ENTREP2: variants seen among roughly 807,000 people sequenced by gnomAD.
The protein encoded by ENTREP2 is endosomal transmembrane epsin interactor 2, also known as protein ENTREP2.
At chr15:29,322,789 C>T in the ENTREP2 span, among the ~76,000 whole-genome samples, 1 of 152,208 alleles carries the variant, frequency 6.6e-6, no homozygotes, top group Non-Finnish European at 1.5e-5. Flanking sequence ...CCTTCCTGCC[C>T]ACTTTTCCCC....
At chr15:29,615,398 C>T in the ENTREP2 span, among the ~76,000 whole-genome samples, 1 of 152,000 alleles carries the variant, frequency 6.6e-6, no homozygotes, top group East Asian at 1.9e-4. Context: ...TCAGGTGATC[C>T]GCCCACCTCT....
the ENTREP2 span, among the ~76,000 whole-genome samples, chr15:29,231,890 C>CTTTT: frequency 2.9e-5 from 4 of 136,858 alleles, no homozygotes; most frequent in African/African-American, 1.1e-4. Context: ...CTTTTCTTTT[C>CTTTT]TTTCTTTTTT....
At chr15:29,620,628 A>G in the ENTREP2 span, among the ~76,000 whole-genome samples, 1 of 152,048 alleles carries the variant, frequency 6.6e-6, no homozygotes, top group Non-Finnish European at 1.5e-5. Context: ...ACAGAGTGAG[A>G]CCATGTCTCT....
chr15:29,543,754 G>A, the ENTREP2 span, among the ~76,000 whole-genome samples: 149 of 151,522 alleles, frequency 9.8e-4, no homozygotes, highest in African/African-American at 2.6e-3. Flanking sequence ...ACTCCAGCCT[G>A]GGCAACAGAG....
chr15:29,430,909 G>C, the ENTREP2 span, among the ~76,000 whole-genome samples: 1 of 152,076 alleles, frequency 6.6e-6, no homozygotes, highest in Non-Finnish European at 1.5e-5. Context: ...CCAGGTTCCT[G>C]GTCTTACTGA....
At chr15:29,225,754 C>T in the ENTREP2 span, among the ~76,000 whole-genome samples, 14 of 152,196 alleles carry the variant, frequency 9.2e-5, no homozygotes, top group Non-Finnish European at 1.5e-4. Context: ...GTTCTGAGCA[C>T]GTCAGCCCCT....
At chr15:29,335,158 C>T in the ENTREP2 span, among the ~76,000 whole-genome samples, 122,715 of 152,122 alleles carry the variant, frequency 0.81, 49,729 homozygotes, top group African/African-American at 0.85. Flanking sequence ...AAAGTGGTTG[C>T]TTAGTGCCAC....
the ENTREP2 span, among the ~76,000 whole-genome samples, chr15:29,197,549 C>T: frequency 3.3e-5 from 5 of 152,144 alleles, 1 homozygote; most frequent in Non-Finnish European, 4.4e-5. Flanking sequence ...GGGCAGATCA[C>T]AAGGTTAGGA....
At chr15:29,623,781 G>C in the ENTREP2 span, among the ~76,000 whole-genome samples, 6 of 152,180 alleles carry the variant, frequency 3.9e-5, no homozygotes, top group African/African-American at 1.4e-4. Flanking sequence ...GAAGGAGGGA[G>C]GGTAAGGTAT....
At chr15:29,591,107 A>C in the ENTREP2 span, among the ~76,000 whole-genome samples, 1 of 152,158 alleles carries the variant, frequency 6.6e-6, no homozygotes, top group Non-Finnish European at 1.5e-5. Context: ...TTTTCCTGAA[A>C]TATTTAAAAA....
At chr15:29,381,786 G>A in the ENTREP2 span, 3 of 1,551,504 alleles carry the variant, frequency 1.9e-6, no homozygotes, top group Non-Finnish European at 2.6e-6. Context: ...ACAAGGGAGA[G>A]AGGCCTCTTC....
chr15:29,216,981 G>A, the ENTREP2 span, among the ~76,000 whole-genome samples: 10 of 152,124 alleles, frequency 6.6e-5, no homozygotes, highest in East Asian at 1.9e-4. Context: ...GAAGGGGCTC[G>A]ATTTAACTTT....
the ENTREP2 span, among the ~76,000 whole-genome samples, chr15:29,156,435 T>G: frequency 0.17 from 25,866 of 151,822 alleles, 3,451 homozygotes; most frequent in African/African-American, 0.37. Flanking sequence ...TGATCCACCC[T>G]CCTCGGCCTC....
At chr15:29,242,668 G>A in the ENTREP2 span, among the ~76,000 whole-genome samples, 1 of 152,212 alleles carries the variant, frequency 6.6e-6, no homozygotes, top group East Asian at 1.9e-4. Context: ...GCCAGGCCCT[G>A]GATGTGGGAC....
chr15:29,630,919 G>A, the ENTREP2 span, among the ~76,000 whole-genome samples: 3 of 152,114 alleles, frequency 2.0e-5, no homozygotes, highest in African/African-American at 7.2e-5. Context: ...CTCACTTCAG[G>A]TGATCCCCCG....
chr15:29,632,734 C>T, the ENTREP2 span, among the ~76,000 whole-genome samples: 1 of 152,006 alleles, frequency 6.6e-6, no homozygotes, highest in Non-Finnish European at 1.5e-5. Context: ...TGCAGTGAGC[C>T]GAGATCCCAC....
At chr15:29,355,143 G>A in the ENTREP2 span, among the ~76,000 whole-genome samples, 3 of 152,132 alleles carry the variant, frequency 2.0e-5, no homozygotes, top group Non-Finnish European at 4.4e-5. Context: ...AGGCCCCAGA[G>A]CCACTCCCTC....
chr15:29,454,587 T>G, the ENTREP2 span, among the ~76,000 whole-genome samples: 1 of 152,204 alleles, frequency 6.6e-6, no homozygotes. Context: ...TTAATCCATA[T>G]AGTTAGTATG....
At chr15:29,469,172 C>T in the ENTREP2 span, among the ~76,000 whole-genome samples, 2 of 152,178 alleles carry the variant, frequency 1.3e-5, no homozygotes, top group African/African-American at 2.4e-5. Context: ...ACAAATCCTG[C>T]AAGATTCTGC....
Sources: gnomAD v4.1 joint callset for allele counts (sites outside exome capture counted in the v4.1 genomes callset) on GRCh38, gnomAD v4.1.1 for gene constraint, MANE v1.5 for transcripts, NCBI Gene and HGNC (gene_info 2026-07-23, HGNC 2026-07-21) for gene names.